Variants in SORCS1 observed in about 807,000 individuals in gnomAD.
SORCS1 encodes the protein VPS10 domain-containing receptor SorCS1.
SORCS1 carries 60 observed loss-of-function variants against 146.1 expected under a neutral mutation model. The observed-to-expected ratio is 0.41, with a 90% confidence interval of 0.33 to 0.51. The LOEUF is 0.51. Ranked by LOEUF, SORCS1 falls within the 20% of genes least tolerant of loss-of-function variation. SORCS1 has a pLI of 0.21. For synonymous variants in SORCS1, 637 were observed against 584.0 expected, an observed-to-expected ratio of 1.09 and a Z score of -1.31; for missense variants, 1,352 against 1,487.6, an observed-to-expected ratio of 0.91 and a Z score of 1.50.
chr10:107,042,941 C>T (rs1248213460), intron 1 of SORCS1, among the ~76,000 whole-genome samples: 1 of 152,072 alleles, frequency 6.6e-6, no homozygotes, highest in Non-Finnish European at 1.5e-5. Flanking sequence ...TCAAGAAGGC[C>T]ATGTTGGAGC....
intron 1 of SORCS1, among the ~76,000 whole-genome samples, chr10:107,020,599 G>A (rs1468034836): frequency 6.6e-6 from 1 of 152,132 alleles, no homozygotes; most frequent in Non-Finnish European, 1.5e-5. Context: ...AATTCTGTTT[G>A]GTGATTTATT....
At chr10:106,953,106 G>A (rs887723843) in intron 2 of SORCS1, among the ~76,000 whole-genome samples, 5 of 151,572 alleles carry the variant, frequency 3.3e-5, no homozygotes, top group Non-Finnish European at 7.4e-5. Flanking sequence ...ACTATTAGGC[G>A]TATATTTTAG....
At chr10:107,021,266 A>G (rs2133869224) in intron 1 of SORCS1, among the ~76,000 whole-genome samples, 2 of 152,082 alleles carry the variant, frequency 1.3e-5, no homozygotes, top group South Asian at 4.2e-4. Flanking sequence ...TAATCCCAGC[A>G]TTTTGGGAGG....
intron 3 of SORCS1, among the ~76,000 whole-genome samples, chr10:106,782,318 T>C (rs928339874): frequency 6.6e-6 from 1 of 151,944 alleles, no homozygotes; most frequent in African/African-American, 2.4e-5. Flanking sequence ...CCGGCTGGAG[T>C]GCAGTTGAAT....
At chr10:107,144,137 C>T (rs1968093241) in intron 1 of SORCS1, among the ~76,000 whole-genome samples, 1 of 152,088 alleles carries the variant, frequency 6.6e-6, no homozygotes, top group Non-Finnish European at 1.5e-5. Flanking sequence ...TCCTATTTAT[C>T]TTTTATATTT....
chr10:106,601,547 G>A (rs1236305177), intron 23 of SORCS1, among the ~76,000 whole-genome samples: 1 of 152,188 alleles, frequency 6.6e-6, no homozygotes, highest in African/African-American at 2.4e-5. Context: ...AGGGACCTGT[G>A]ACAGGGAAAA....
chr10:107,138,353 G>A lies in SORCS1; in HGVS notation c.558+25616C>T, dbSNP rs574925941. Among the ~76,000 whole-genome samples, 83 of 152,240 alleles carry A rather than the reference G, an allele frequency of 5.5e-4. 2 individuals carry two copies. In the South Asian group the frequency reaches 0.017, roughly 31 times the overall value. Reference sequence around the variant, plus strand: ...GGATCTGAACTATCTTTGCAGATTCGTTGTTTATTATTCTTTACGAGGATC... The same window carrying A: ...GGATCTGAACTATCTTTGCAGATTCATTGTTTATTATTCTTTACGAGGATC... On this transcript the variant is annotated intron_variant, in intron 1 of 25. Coordinates refer to ENST00000263054, the MANE Select transcript of SORCS1 (RefSeq NM_052918.5).
chr10:106,912,030 G>A (rs1265644847), intron 2 of SORCS1, among the ~76,000 whole-genome samples: 3 of 150,698 alleles, frequency 2.0e-5, no homozygotes, highest in Non-Finnish European at 4.4e-5. Flanking sequence ...GGAGAATAGC[G>A]TGAACCCAAG....
intron 1 of SORCS1, among the ~76,000 whole-genome samples, chr10:106,973,470 G>T (rs1344418534): frequency 2.6e-5 from 4 of 152,158 alleles, no homozygotes; most frequent in Non-Finnish European, 5.9e-5. Context: ...AAGGCTTGGG[G>T]CCATTGTGAA....
chr10:107,081,742 T>C (rs138457524), intron 1 of SORCS1, among the ~76,000 whole-genome samples: 117 of 152,302 alleles, frequency 7.7e-4, no homozygotes, highest in African/African-American at 2.6e-3. Flanking sequence ...ACTGCATGAA[T>C]AGCATCAACT....
intron 23 of SORCS1, among the ~76,000 whole-genome samples, chr10:106,606,853 C>T (rs556882216): frequency 6.6e-6 from 1 of 152,326 alleles, no homozygotes; most frequent in East Asian, 1.9e-4. Context: ...CTCTACACTT[C>T]TCCTTGCTGC....
intron 5 of SORCS1, among the ~76,000 whole-genome samples, chr10:106,758,767 G>A (rs1017500926): frequency 1.3e-5 from 2 of 152,220 alleles, no homozygotes; most frequent in East Asian, 3.8e-4. Context: ...GCTGACCAGA[G>A]AAGGAAGATT....
the SORCS1 span, among the ~76,000 whole-genome samples, chr10:107,171,980 T>C: frequency 6.6e-6 from 1 of 152,350 alleles, no homozygotes; most frequent in East Asian, 1.9e-4. Context: ...TATATCTCTA[T>C]GAGGTACATT....
chr10:107,077,404 ACTT>A (rs1392359446), intron 1 of SORCS1, among the ~76,000 whole-genome samples: 1 of 151,842 alleles, frequency 6.6e-6, no homozygotes, highest in Non-Finnish European at 1.5e-5. Flanking sequence ...AACTGCTACT[ACTT>A]ACCTATCACC....
intron 24 of SORCS1, among the ~76,000 whole-genome samples, chr10:106,588,924 C>T (rs1845421874): frequency 6.8e-6 from 1 of 146,484 alleles, no homozygotes; most frequent in Non-Finnish European, 1.5e-5. Flanking sequence ...TGGGATTCTT[C>T]ACTGTGTGTG....
At chr10:107,174,861 CA>C in the SORCS1 span, among the ~76,000 whole-genome samples, 1 of 151,990 alleles carries the variant, frequency 6.6e-6, no homozygotes, top group Admixed American at 6.6e-5. Context: ...GGCTCAAGAG[CA>C]GGGGGAAAGG....
At chr10:106,640,915 T>C (rs544717375) in intron 18 of SORCS1, among the ~76,000 whole-genome samples, 4 of 152,328 alleles carry the variant, frequency 2.6e-5, no homozygotes, top group African/African-American at 9.6e-5. Context: ...CCTCTTCCAG[T>C]TGGTTCTTGG....
intron 3 of SORCS1, among the ~76,000 whole-genome samples, chr10:106,817,333 T>C (rs1947794611): frequency 6.6e-6 from 1 of 152,194 alleles, no homozygotes; most frequent in Non-Finnish European, 1.5e-5. Flanking sequence ...ATTAAAGTTG[T>C]AGTTATTCTT....
At chr10:106,817,295 C>T (rs1373525017) in intron 3 of SORCS1, among the ~76,000 whole-genome samples, 1 of 152,168 alleles carries the variant, frequency 6.6e-6, no homozygotes, top group Non-Finnish European at 1.5e-5. Flanking sequence ...CCGGTGAAAT[C>T]TGGATGCTGA....
Sources: gnomAD v4.1 joint callset for allele counts (sites outside exome capture counted in the v4.1 genomes callset) on GRCh38, gnomAD v4.1.1 for gene constraint, MANE v1.5 for transcripts, NCBI Gene and HGNC (gene_info 2026-07-23, HGNC 2026-07-21) for gene names.